Variants in SSMEM1 observed in about 807,000 individuals in gnomAD.
The protein encoded by SSMEM1 is serine rich single-pass membrane protein 1, also known as serine-rich single-pass membrane protein 1.
SSMEM1 carries 12 observed loss-of-function variants against 9.9 expected under a neutral mutation model. The observed-to-expected ratio is 1.21, with a 90% confidence interval of 0.78 to 1.96. The LOEUF (loss-of-function observed/expected upper bound fraction) is 1.96, where lower values mean the gene tolerates loss of function less well. Among genes scored for constraint, SSMEM1 ranks in the 30% most tolerant of loss-of-function variants. The pLI is 0.00. For missense variants in SSMEM1, 259 were observed against 292.2 expected, an observed-to-expected ratio of 0.89 and a Z score of 0.83; for synonymous variants, 96 against 98.9, an observed-to-expected ratio of 0.97 and a Z score of 0.17.
At chr7:130,208,131 C>T in intron 1 of SSMEM1, 38 bp downstream of exon 1, 1 of 1,533,982 alleles carries the variant, frequency 6.5e-7, no homozygotes, top group Non-Finnish European at 8.8e-7. Flanking sequence ...AATATGTTTA[C>T]TGTACACTAG....
Position 130,208,069 on chromosome 7 carries a change from GTTC to G in SSMEM1, c.164_166del (p.Phe55del). On this transcript the variant is annotated inframe_deletion, in exon 1 of 3. Coordinates refer to ENST00000297819, the MANE Select transcript of SSMEM1 (RefSeq NM_145268.4). ...ATTTTGTTATCGTATTTGTCCTGATGTTCTTCTCTAGGGCTTCTGTCTGGGTAG... is the reference window on the plus strand; with the variant it reads ...ATTTTGTTATCGTATTTGTCCTGATGTTCTCTAGGGCTTCTGTCTGGGTAG... The G allele has an allele frequency of 3.1e-6, 5 of 1,613,680 alleles. No homozygotes were observed. Among genetic ancestry groups the G allele is most frequent in the Non-Finnish European group, 4.2e-6 (5 of 1,179,808 alleles).
chr7:130,205,863 A>G (rs543744368), upstream of SSMEM1, among the ~76,000 whole-genome samples: 2 of 151,710 alleles, frequency 1.3e-5, no homozygotes, highest in Non-Finnish European at 2.9e-5. Flanking sequence ...TTTGGTAGAG[A>G]CAGGGTTTCG....
chr7:130,216,565 C>A lies in SSMEM1; in HGVS notation c.*95C>A. On this transcript the variant is annotated 3_prime_UTR_variant, in exon 3 of 3. Coordinates refer to ENST00000297819, the MANE Select transcript of SSMEM1 (RefSeq NM_145268.4). ...GCTATAGGTGAGGAGACTTTTACAA[C>A]AAAGTCTCTCTACCAACAAACAAAA... 1 of 1,402,936 alleles carries A rather than the reference C, an allele frequency of 7.1e-7. No individual in the cohort carries two copies. Among genetic ancestry groups the A allele is most frequent in the Non-Finnish European group, 9.7e-7 (1 of 1,035,144 alleles). The allele number at this position is 1,402,936 out of a possible 1,614,324, so 86.9% of individuals were successfully genotyped here.
intron 1 of SSMEM1, among the ~76,000 whole-genome samples, 180 bp from the exon 2 acceptor site, chr7:130,213,300 A>C (rs1471356285): frequency 6.6e-6 from 1 of 152,168 alleles, no homozygotes; most frequent in Non-Finnish European, 1.5e-5. Flanking sequence ...GTGAGCTGAG[A>C]TCATGCCACT....
At position 130,213,478 on chromosome 7, in the gene SSMEM1, A is replaced by C; in HGVS notation, c.184-2A>C. The C allele has an allele frequency of 6.2e-7, 1 of 1,609,512 alleles. No individual in the cohort carries two copies. The highest frequency in any genetic ancestry group is 8.5e-7 in the Non-Finnish European group (1 of 1,176,828). Reference sequence around the variant, plus strand: ...TCTTACTAACCTATGTTTCTGAAACAGATGTCTGAGGATAAAAAGGATGAA... The same window carrying C: ...TCTTACTAACCTATGTTTCTGAAACCGATGTCTGAGGATAAAAAGGATGAA... On this transcript the variant is annotated splice_acceptor_variant, in intron 1 of 2. Coordinates refer to ENST00000297819, the MANE Select transcript of SSMEM1 (RefSeq NM_145268.4). LOFTEE classifies it high-confidence loss of function.
Position 130,216,158 on chromosome 7 carries a change from C to T in SSMEM1, c.423C>T (p.Asn141=). 5 of 1,614,130 alleles carry T rather than the reference C, an allele frequency of 3.1e-6. No individual in the cohort carries two copies. Among genetic ancestry groups the T allele is most frequent in the Non-Finnish European group, 4.2e-6 (5 of 1,180,034 alleles). The change falls in exon 3 of 3, where the codon AAC becomes AAT. Residue 141 remains asparagine, a synonymous_variant. Transcript: ENST00000297819. ...CTCAGTTCAATGAGGTGAACCAGAA[C>T]CAACATGACAGTGATACTACGGAGT... The part of the protein sequence containing the change: ...RQSQFNEVNQ[N]QHDSDTTEYG...
At chr7:130,207,665 A>T (rs1798512059), upstream of SSMEM1, 7 of 584,330 alleles carry the variant, frequency 1.2e-5, no homozygotes, top group Middle Eastern at 3.5e-4. Context: ...TAGGAAAAAA[A>T]ATTAAGGCAG....
chr7:130,212,421 C>T (rs1053450917), intron 1 of SSMEM1, among the ~76,000 whole-genome samples: 1 of 152,066 alleles, frequency 6.6e-6, no homozygotes, highest in East Asian at 1.9e-4. Context: ...GATCAAGTGT[C>T]CTTTAAGAAC....
Position 130,214,483 on chromosome 7 carries a change from C to G in SSMEM1, c.238+949C>G, listed in dbSNP as rs574425273. Among the ~76,000 whole-genome samples, 93 of 151,772 alleles carry G rather than the reference C, an allele frequency of 6.1e-4. 1 individual carries two copies. Among genetic ancestry groups the G allele is most frequent in the African/African-American group, 2.1e-3 (87 of 41,440 alleles). ...ACACCATTTAAAATAATAAAATATA[C>G]AATACTCCTTATGGCCAATTTCATA... On this transcript the variant is annotated intron_variant, in intron 2 of 2. Transcript: ENST00000297819.
chr7:130,207,833 C>A, upstream of SSMEM1: 1 of 1,469,330 alleles, frequency 6.8e-7, no homozygotes. Flanking sequence ...AATTGTCATA[C>A]ATCATAGAGG....
At chr7:130,206,227 G>A (rs1161739387), upstream of SSMEM1, among the ~76,000 whole-genome samples, 1 of 152,164 alleles carries the variant, frequency 6.6e-6, no homozygotes, top group African/African-American at 2.4e-5. Context: ...GACCTTCCTG[G>A]TTATTACCCA....
upstream of SSMEM1, chr7:130,207,671 G>C: frequency 1.7e-6 from 1 of 601,790 alleles, no homozygotes; most frequent in South Asian, 1.6e-5. Flanking sequence ...AAAAAATTAA[G>C]GCAGAATGCA....
intron 1 of SSMEM1, among the ~76,000 whole-genome samples, chr7:130,211,202 A>G (rs1798585436): frequency 6.7e-6 from 1 of 149,044 alleles, no homozygotes; most frequent in African/African-American, 2.5e-5. Flanking sequence ...CTGTCACCCA[A>G]GCTGGAGTGC....
At position 130,215,003 on chromosome 7, in the gene SSMEM1, C is replaced by A. The variant is rs528412304; in HGVS notation, c.239-971C>A. Among the ~76,000 whole-genome samples the A allele has an allele frequency of 5.3e-5, 8 of 152,222 alleles. No individual in the cohort carries two copies. The South Asian group carries it at 1.0e-3, about 20-fold the overall frequency. The stretch of plus-strand genomic sequence containing the variant: ...TTGGGAGGAGATGTGCAGTAGTGCA[C>A]CCTTAACATAGAATTTCCGCCGGGC... On this transcript the variant is annotated intron_variant, in intron 2 of 2. Coordinates refer to ENST00000297819, the MANE Select transcript of SSMEM1 (RefSeq NM_145268.4).
chr7:130,212,536 T>C (rs1330227817), intron 1 of SSMEM1, among the ~76,000 whole-genome samples: 1 of 151,730 alleles, frequency 6.6e-6, no homozygotes, highest in Non-Finnish European at 1.5e-5. Flanking sequence ...GACCAGCCTT[T>C]TCAACATGGA....
In SSMEM1 at chr7:130,213,368, A is replaced by G. The variant is rs191433476; in HGVS notation, c.184-112A>G. The G allele has an allele frequency of 3.6e-4, 274 of 755,898 alleles. 4 individuals carry two copies. The East Asian group carries it at 6.1e-3, about 17-fold the overall frequency. 46.8% of individuals were successfully genotyped at this position (755,898 alleles called of 1,614,324 possible). A position where few individuals can be genotyped will look rare whatever the true frequency, so the allele number is the denominator to read the frequency against. On this transcript the variant is annotated intron_variant, in intron 1 of 2. Coordinates refer to ENST00000297819, the MANE Select transcript of SSMEM1 (RefSeq NM_145268.4). Reference sequence around the variant, plus strand: ...CCAAAAATAAATAAATAAAATAATAAAAAAATAAAACCAGACATTATAAAT... The same window carrying G: ...CCAAAAATAAATAAATAAAATAATAGAAAAATAAAACCAGACATTATAAAT...
chr7:130,207,878 A>C lies in SSMEM1; in HGVS notation c.-33A>C. The C allele has an allele frequency of 6.2e-7, 1 of 1,609,418 alleles. No individual in the cohort carries two copies. Among genetic ancestry groups the C allele is most frequent in the East Asian group, 2.2e-5 (1 of 44,780 alleles). ...AGTTCCCAGTCATCTTTATCCCTTT[A>C]AGCATGGTTTATTTTCTGAGCAAGG... On this transcript the variant is annotated 5_prime_UTR_variant, in exon 1 of 3. Coordinates refer to ENST00000297819, the MANE Select transcript of SSMEM1 (RefSeq NM_145268.4).
chr7:130,207,963 T>G lies in SSMEM1; in HGVS notation c.53T>G (p.Val18Gly), dbSNP rs140531337. 6.2e-7 allele frequency: 1 copy of G among 1,613,944 alleles called. No individual in the cohort carries two copies. Among genetic ancestry groups the G allele is most frequent in the Non-Finnish European group, 8.5e-7 (1 of 1,179,990 alleles). ...GAGGTAGATCCTCCCCCAATACCTG[T>G]AAATTGTGCCATTCCAAATCAGGAT... ...FWEVDPPPIP[V>G]NCAIPNQDYE... Residue 18 changes from valine (V) to glycine (G), a missense_variant, in exon 1 of 3, where the codon GTA becomes GGA. Val to Gly is a moderately radical substitution (Grantham distance 109). Coordinates refer to ENST00000297819, the MANE Select transcript of SSMEM1 (RefSeq NM_145268.4).
upstream of SSMEM1, among the ~76,000 whole-genome samples, chr7:130,207,333 C>G (rs1309115146): frequency 6.6e-6 from 1 of 152,136 alleles, no homozygotes; most frequent in Non-Finnish European, 1.5e-5. Context: ...TGCAGACGGC[C>G]CCCTTGTATT....
Sources: allele counts gnomAD v4.1 joint callset (sites outside exome capture counted in the v4.1 genomes callset), GRCh38; gene constraint gnomAD v4.1.1; transcripts MANE v1.5; gene names NCBI Gene and HGNC (gene_info 2026-07-23, HGNC 2026-07-21).